Variants in ZNF665 observed in about 807,000 individuals in gnomAD.
ZNF665 encodes zinc finger protein 665.
A neutral mutation model predicts 7.9 loss-of-function variants in ZNF665; 6 were observed. The observed-to-expected ratio is 0.76, with a 90% confidence interval of 0.42 to 1.50. ZNF665 has a LOEUF of 1.50. Ranked by LOEUF, ZNF665 falls within the 40% of genes most tolerant of loss-of-function variation. The probability of loss-of-function intolerance (pLI) is 0.01; values close to 1 mark genes in which losing one functional copy is unlikely to be tolerated. For missense variants in ZNF665, 819 were observed against 806.7 expected (o/e 1.02, Z -0.18); for synonymous variants, 242 against 274.5 (o/e 0.88, Z 1.17).
At chr19:53,187,200 C>A (rs1465859338) in intron 1 of ZNF665, among the ~76,000 whole-genome samples, 1 of 2,788 alleles carries the variant, frequency 3.6e-4, no homozygotes, top group Admixed American at 2.7e-3. Context: ...AGGCGGGGGG[C>A]TGACCCCCCC....
Position 53,164,490 on chromosome 19 carries a change from G to T in ZNF665, c.2000C>A (p.Ser667Ter). 2 of 1,604,068 alleles carry T rather than the reference G, an allele frequency of 1.2e-6. No individual in the cohort carries two copies. Among genetic ancestry groups the T allele is most frequent in the Non-Finnish European group, 1.7e-6 (2 of 1,175,818 alleles). The change falls in exon 4 of 4, where the codon TCA (serine) becomes TAA (stop). Residue 667 changes from serine to a stop codon, truncating the protein, a stop_gained. Transcript: ENST00000396424. LOFTEE classifies it low-confidence loss of function (END_TRUNC). ...AATTCTTCGATGTTTTGCAAGGTTT[G>T]AATTTTGAGTAAAGACCTTGCCACA... ...NQCGKVFTQN[S>*]NLAKHRRIHS... is the part of the protein sequence containing the mutation.
chr19:53,185,034 A>G (rs1215604952), intron 1 of ZNF665, among the ~76,000 whole-genome samples: 1 of 152,200 alleles, frequency 6.6e-6, no homozygotes, highest in East Asian at 1.9e-4. Context: ...CCAGGTGTAC[A>G]GGATGGAACA....
At chr19:53,192,742 G>C (rs1428267991) in intron 1 of ZNF665, among the ~76,000 whole-genome samples, 4 of 152,134 alleles carry the variant, frequency 2.6e-5, no homozygotes, top group Admixed American at 2.0e-4. Flanking sequence ...GTGGAGCTGG[G>C]CAGGCAAGAA....
chr19:53,189,415 AAG>A (rs2090798027), intron 1 of ZNF665, among the ~76,000 whole-genome samples: 1 of 150,096 alleles, frequency 6.7e-6, no homozygotes, highest in Admixed American at 6.6e-5. Context: ...GGGCAGGGTA[AAG>A]AGTGTGAGTC....
chr19:53,166,142 T>C lies in ZNF665; in HGVS notation c.348A>G (p.Gln116=). 2 of 1,613,824 alleles carry C rather than the reference T, an allele frequency of 1.2e-6. No individual in the cohort carries two copies. Among genetic ancestry groups the C allele is most frequent in the Non-Finnish European group, 1.7e-6 (2 of 1,179,816 alleles). Residue 116 remains glutamine, a synonymous_variant, in exon 4 of 4, where the codon CAA becomes CAG. Coordinates refer to ENST00000396424, the MANE Select transcript of ZNF665 (RefSeq NM_024733.5). The part of the protein sequence containing the change: ...EGNYKTVLML[Q]KENLPGRRAQ... ...CTCTTCTACCAGGGAGATTTTCTTT[T>C]TGCAACATAAGTACTGTTTTATAAT...
chr19:53,180,953 A>G (rs1225340500), intron 2 of ZNF665: 2 of 152,320 alleles, frequency 1.3e-5, no homozygotes, highest in East Asian at 3.9e-4. Context: ...ATACATGAAT[A>G]GATTTCAGAA....
At chr19:53,182,662 C>A in intron 2 of ZNF665, 1 of 946,434 alleles carries the variant, frequency 1.1e-6, no homozygotes, top group East Asian at 2.6e-5. Context: ...GGGTGTGAGC[C>A]CTTCCCAGGT....
At chr19:53,191,422 G>C (rs1034243280) in intron 1 of ZNF665, among the ~76,000 whole-genome samples, 4 of 152,204 alleles carry the variant, frequency 2.6e-5, no homozygotes, top group African/African-American at 7.2e-5. Context: ...TCTTAGAACA[G>C]AGATTGCAAA....
chr19:53,166,357 A>G lies in ZNF665; in HGVS notation c.143-10T>C. The stretch of plus-strand genomic sequence containing the variant: ...CATTTACAAGAGATATCTGTAAGAT[A>G]TAAACAACCATAGATTTCCAGTTAA... On this transcript the variant is annotated splice_polypyrimidine_tract_variant and intron_variant, in intron 3 of 3. Transcript: ENST00000396424. 1 of 1,533,984 alleles carries G rather than the reference A, an allele frequency of 6.5e-7. No individual in the cohort carries two copies. Among genetic ancestry groups the G allele is most frequent in the Non-Finnish European group, 8.7e-7 (1 of 1,143,342 alleles).
rs569347004 is a variant in ZNF665 at position 53,166,461 on chromosome 19, C to T, written c.143-114G>A. 64 of 970,072 alleles carry T rather than the reference C, an allele frequency of 6.6e-5. 1 individual carries two copies. The highest frequency in any genetic ancestry group is 5.4e-4 in the African/African-American group (33 of 61,328). 60.1% of individuals were successfully genotyped at this position (970,072 alleles called of 1,614,324 possible). On this transcript the variant is annotated intron_variant, in intron 3 of 3. Transcript: ENST00000396424. ...GTAATAGTTATGTTGAACAGACTTA[C>T]GATTCTTCAGAACCATAATTTTCCA...
At chr19:53,171,812 T>C (rs894117415) in intron 3 of ZNF665, among the ~76,000 whole-genome samples, 19 of 152,114 alleles carry the variant, frequency 1.2e-4, no homozygotes, top group Admixed American at 5.9e-4. Flanking sequence ...TAGAGGGCAG[T>C]GGTGTGATCT....
At chr19:53,176,721 A>T (rs1373518371) in intron 2 of ZNF665, among the ~76,000 whole-genome samples, 1 of 152,176 alleles carries the variant, frequency 6.6e-6, no homozygotes, top group East Asian at 1.9e-4. Context: ...GAATGGGAGG[A>T]CACCCAGGTC....
intron 3 of ZNF665, among the ~76,000 whole-genome samples, chr19:53,168,079 A>AAAAGAAAG (rs1555803861): frequency 0.053 from 2,568 of 48,274 alleles, 94 homozygotes; most frequent in Middle Eastern, 0.17. Context: ...AAAAAAAAAA[A>AAAAGAAAG]AAAGAAAGAA....
chr19:53,174,979 G>GA (rs61156701), intron 3 of ZNF665, among the ~76,000 whole-genome samples: 26,796 of 138,348 alleles, frequency 0.19, 2,942 homozygotes, highest in African/African-American at 0.31. Context: ...AAGAAAGAAA[G>GA]AAAAAAAAAA....
rs200207494 is a variant in ZNF665 at position 53,165,139 on chromosome 19, T to C, written c.1351A>G (p.Ile451Val). The part of the protein sequence containing the change: ...VRSSLTTHQA[I>V]HTGEKPYKCN... Reference sequence around the variant, plus strand: ...TTGTAAGGCTTTTCTCCAGTATGAATTGCCTGATGGGTAGTTAGGCTTGAT... The same window carrying C: ...TTGTAAGGCTTTTCTCCAGTATGAACTGCCTGATGGGTAGTTAGGCTTGAT... Residue 451 changes from isoleucine (I) to valine (V), a missense_variant, in exon 4 of 4, where the codon ATT becomes GTT. Coordinates refer to ENST00000396424, the MANE Select transcript of ZNF665 (RefSeq NM_024733.5). The C allele has an allele frequency of 5.1e-5, 82 of 1,612,828 alleles. No individual in the cohort carries two copies. The highest frequency in any genetic ancestry group is 6.4e-5 in the Non-Finnish European group (75 of 1,178,908).
At chr19:53,184,279 A>G (rs1395131148) in intron 1 of ZNF665, among the ~76,000 whole-genome samples, 1 of 152,116 alleles carries the variant, frequency 6.6e-6, no homozygotes, top group African/African-American at 2.4e-5. Context: ...AATAATAAAT[A>G]ATTTTTAAAA....
At chr19:53,181,301 G>A (rs2090736053) in intron 2 of ZNF665, 1 of 152,074 alleles carries the variant, frequency 6.6e-6, no homozygotes, top group Non-Finnish European at 1.5e-5. Flanking sequence ...TGCACGTGTA[G>A]TCCCAGCTAC....
chr19:53,170,312 G>GA (rs959870096), intron 3 of ZNF665, among the ~76,000 whole-genome samples: 1 of 152,130 alleles, frequency 6.6e-6, no homozygotes, highest in Middle Eastern at 3.2e-3. Context: ...TATTTATGGG[G>GA]AAAAAATGAT....
rs1265490679 is a variant in ZNF665, at chr19:53,175,672, G to A, written c.16-101C>T. 10 of 1,305,244 alleles carry A rather than the reference G, an allele frequency of 7.7e-6. No homozygotes were observed. In the East Asian group the frequency reaches 1.8e-4, roughly 23 times the overall value. 80.9% of individuals were successfully genotyped at this position (1,305,244 alleles called of 1,614,324 possible). A position where few individuals can be genotyped will look rare whatever the true frequency, so the allele number is the denominator to read the frequency against. On this transcript the variant is annotated intron_variant, in intron 2 of 3. Coordinates refer to ENST00000396424, the MANE Select transcript of ZNF665 (RefSeq NM_024733.5). The stretch of plus-strand genomic sequence containing the variant: ...AGCTGTAAGAATAGGTTCAATTCAC[G>A]TAAGCAGACTGACACATCCAGGCTG...
Sources: allele counts gnomAD v4.1 joint callset (sites outside exome capture counted in the v4.1 genomes callset), GRCh38; gene constraint gnomAD v4.1.1; transcripts MANE v1.5; gene names NCBI Gene and HGNC (gene_info 2026-07-23, HGNC 2026-07-21).